FOXP2: variants seen among roughly 807,000 people sequenced by gnomAD.
FOXP2 encodes forkhead box protein P2.
FOXP2 carries 12 observed loss-of-function variants against 115.8 expected under a neutral mutation model. The observed-to-expected ratio is 0.10, with a 90% CI of 0.07 to 0.17. FOXP2 has a LOEUF of 0.17. Ranked by LOEUF, FOXP2 falls within the 10% of genes least tolerant of loss-of-function variation. The pLI, the probability that FOXP2 is intolerant of heterozygous loss-of-function variation, is 1.00. For synonymous variants in FOXP2, 328 were observed against 297.7 expected, an observed-to-expected ratio of 1.10 and a Z score of -1.05; for missense variants, 629 against 843.5, an observed-to-expected ratio of 0.75 and a Z score of 3.15.
intron 2 of FOXP2, among the ~76,000 whole-genome samples, chr7:114,312,138 A>C (rs1355014195): frequency 1.3e-5 from 2 of 152,034 alleles, no homozygotes; most frequent in African/African-American, 4.8e-5. Context: ...GTTCACCCAA[A>C]TCTCCATATT....
At chr7:114,366,823 A>T (rs746413618) in intron 2 of FOXP2, among the ~76,000 whole-genome samples, 1 of 152,084 alleles carries the variant, frequency 6.6e-6, no homozygotes, top group East Asian at 1.9e-4. Flanking sequence ...TATACGTATT[A>T]TTACCTCTCA....
At chr7:114,414,549 A>G (rs960972688), upstream of FOXP2, 2 of 154,044 alleles carry the variant, frequency 1.3e-5, no homozygotes, top group Non-Finnish European at 2.9e-5. Flanking sequence ...TAAGGTTAGT[A>G]ATTGATGGTA....
intron 6 of FOXP2, among the ~76,000 whole-genome samples, chr7:114,636,944 C>G (rs546498650): frequency 2.0e-5 from 3 of 152,076 alleles, no homozygotes; most frequent in Admixed American, 6.6e-5. Context: ...GAGGCTGAGG[C>G]TGGAGGATCA....
At chr7:114,458,241 GTATA>G (rs1795405393) in intron 2 of FOXP2, among the ~76,000 whole-genome samples, 1 of 152,040 alleles carries the variant, frequency 6.6e-6, no homozygotes, top group Non-Finnish European at 1.5e-5. Flanking sequence ...TATTAAATAG[GTATA>G]GTTATATGTA....
intron 2 of FOXP2, among the ~76,000 whole-genome samples, chr7:114,476,493 A>G (rs1025541157): frequency 6.6e-6 from 1 of 151,966 alleles, no homozygotes; most frequent in Non-Finnish European, 1.5e-5. Context: ...CTGTTTTTAT[A>G]TCAGTACCAT....
At chr7:114,353,237 G>A (rs559365118) in intron 2 of FOXP2, among the ~76,000 whole-genome samples, 21 of 151,242 alleles carry the variant, frequency 1.4e-4, no homozygotes, top group Non-Finnish European at 3.1e-4. Context: ...TTTTATTCAT[G>A]TGTAGATGAT....
At chr7:114,289,772 T>A (rs1465294446) in intron 2 of FOXP2, among the ~76,000 whole-genome samples, 2 of 151,998 alleles carry the variant, frequency 1.3e-5, no homozygotes. Context: ...TTTTAAATAT[T>A]TTTAAACAAA....
At position 114,176,564 on chromosome 7, in the gene FOXP2, C is replaced by T. The variant is rs111908905; in HGVS notation, c.-102+13476C>T. ...CCATATTGCCCAGGCTAGTCTTGAACTCCTGGTCTCAAGTGATTTGCCCTC... is the reference window on the plus strand; with the variant it reads ...CCATATTGCCCAGGCTAGTCTTGAATTCCTGGTCTCAAGTGATTTGCCCTC... On this transcript the variant is annotated intron_variant, in intron 1 of 17. Transcript: ENST00000634411. Among the ~76,000 whole-genome samples the T allele has an allele frequency of 5.7e-3, 870 of 151,886 alleles. 13 individuals are homozygous for T. Among genetic ancestry groups the T allele is most frequent in the African/African-American group, 0.02 (826 of 41,412 alleles).
chr7:114,170,514 T>C (rs768023904), intron 1 of FOXP2, among the ~76,000 whole-genome samples: 23 of 152,318 alleles, frequency 1.5e-4, no homozygotes, highest in African/African-American at 5.3e-4. Context: ...AGGCCTCTTA[T>C]GACAAACAGC....
intron 1 of FOXP2, 129 bp from the exon 2 acceptor site, chr7:114,426,373 A>G: frequency 1.3e-6 from 1 of 795,878 alleles, no homozygotes; most frequent in Non-Finnish European, 2.1e-6. Context: ...TTGGTAAATG[A>G]CTATTCAAGG....
chr7:114,591,790 A>G (rs1177650941), intron 3 of FOXP2, among the ~76,000 whole-genome samples: 1 of 152,054 alleles, frequency 6.6e-6, no homozygotes, highest in African/African-American at 2.4e-5. Flanking sequence ...GCTGCATAGG[A>G]GGTCGAGTGT....
At chr7:114,502,165 AT>A (rs1343661429) in intron 2 of FOXP2, among the ~76,000 whole-genome samples, 1 of 152,036 alleles carries the variant, frequency 6.6e-6, no homozygotes, top group Admixed American at 6.6e-5. Flanking sequence ...AATATTGTAA[AT>A]TTTTTTGGTC....
intron 1 of FOXP2, among the ~76,000 whole-genome samples, chr7:114,224,216 T>A (rs1281702779): frequency 6.6e-6 from 1 of 152,170 alleles, no homozygotes; most frequent in East Asian, 1.9e-4. Context: ...TTCATAAGAC[T>A]TTATTTTCTT....
chr7:114,219,189 T>G (rs927737375), intron 1 of FOXP2, among the ~76,000 whole-genome samples: 1 of 152,094 alleles, frequency 6.6e-6, no homozygotes, highest in Non-Finnish European at 1.5e-5. Context: ...TTTATAAAAT[T>G]TTTCAAATAC....
rs564620783 is a variant in FOXP2 at position 114,461,812 on chromosome 7, C to G, written c.168+35133C>G. Among the ~76,000 whole-genome samples, 20 of 152,162 alleles carry G rather than the reference C, an allele frequency of 1.3e-4. No individual in the cohort carries two copies. The South Asian group carries it at 4.1e-3, about 32-fold the overall frequency. On this transcript the variant is annotated intron_variant, in intron 2 of 16. Transcript: ENST00000350908. ...GGATGCTACCATGTTTTCCCTCAAC[C>G]TGCTTCTTAGACTATTTTAACTTTC...
At chr7:114,151,335 A>G (rs531034068) in intron 1 of FOXP2, among the ~76,000 whole-genome samples, 21 of 152,224 alleles carry the variant, frequency 1.4e-4, no homozygotes, top group Admixed American at 1.3e-3. Flanking sequence ...AATATTTAGC[A>G]TAAGTAGTTA....
At chr7:114,635,928 G>A (rs1275915308) in intron 6 of FOXP2, among the ~76,000 whole-genome samples, 1 of 152,116 alleles carries the variant, frequency 6.6e-6, no homozygotes, top group African/African-American at 2.4e-5. Context: ...AATATCAGAT[G>A]TATTCACATA....
intron 3 of FOXP2, among the ~76,000 whole-genome samples, chr7:114,551,606 G>T (rs1238630672): frequency 6.6e-6 from 1 of 152,032 alleles, no homozygotes; most frequent in Non-Finnish European, 1.5e-5. Context: ...ATTTAAGTAT[G>T]AAAACAAGTC....
At chr7:114,298,569 A>G (rs756251953) in intron 2 of FOXP2, among the ~76,000 whole-genome samples, 1 of 152,216 alleles carries the variant, frequency 6.6e-6, no homozygotes, top group Non-Finnish European at 1.5e-5. Flanking sequence ...GTAGAAGGCA[A>G]TATAATCTTC....
Sources: gnomAD v4.1 joint callset for allele counts (sites outside exome capture counted in the v4.1 genomes callset) on GRCh38, gnomAD v4.1.1 for gene constraint, MANE v1.5 for transcripts, NCBI Gene and HGNC (gene_info 2026-07-23, HGNC 2026-07-21) for gene names.